IHO1: variants seen among roughly 807,000 people sequenced by gnomAD.
The protein encoded by IHO1 is interactor of HORMAD1 protein 1.
Under a neutral mutation model 31.0 loss-of-function variants are expected in IHO1, and 13 were observed. That is an observed-to-expected ratio of 0.42 (90% confidence interval 0.27 to 0.67). The LOEUF is 0.67. Ranked by LOEUF, IHO1 falls within the 30% of genes least tolerant of loss-of-function variation. The pLI, the probability that IHO1 is intolerant of heterozygous loss-of-function variation, is 0.24. For synonymous variants in IHO1, 221 were observed against 248.4 expected (o/e 0.89, Z 1.04); for missense variants, 599 against 687.5 (o/e 0.87, Z 1.44).
chr3:49,227,303 A>G lies in IHO1; in HGVS notation c.57-9245A>G, dbSNP rs139265641. 1.3e-3 allele frequency among the ~76,000 whole-genome samples: 196 copies of G among 152,266 alleles called. 2 individuals carry two copies. In the East Asian group the frequency reaches 0.022, roughly 17 times the overall value. ...GAGCCACCACTTTTTCAGGGTTTGC[A>G]GGTCAAATTGGTCCCAATGGCTTAG... On this transcript the variant is annotated intron_variant, in intron 2 of 7. Coordinates refer to ENST00000452691, the MANE Select transcript of IHO1 (RefSeq NM_001135197.2).
chr3:49,227,218 C>T (rs1333029746), intron 2 of IHO1, among the ~76,000 whole-genome samples: 1 of 152,184 alleles, frequency 6.6e-6, no homozygotes, highest in Non-Finnish European at 1.5e-5. Context: ...ATACTTCCCT[C>T]AGATGGCCAT....
upstream of IHO1, among the ~76,000 whole-genome samples, chr3:49,197,812 T>C (rs983419436): frequency 6.6e-6 from 1 of 151,408 alleles, no homozygotes; most frequent in Non-Finnish European, 1.5e-5. Context: ...AGGTGGAGGT[T>C]GTGGTGAGCC....
intron 2 of IHO1, among the ~76,000 whole-genome samples, chr3:49,222,331 A>G (rs1277390408): frequency 6.6e-6 from 1 of 152,160 alleles, no homozygotes; most frequent in African/African-American, 2.4e-5. Context: ...AGTCTTGTAC[A>G]GGTAATTAGG....
intron 1 of IHO1, among the ~76,000 whole-genome samples, chr3:49,206,911 G>C (rs898463872): frequency 6.6e-6 from 1 of 151,942 alleles, no homozygotes; most frequent in Non-Finnish European, 1.5e-5. Flanking sequence ...AGCTAGGTGT[G>C]GTGGCAGATG....
chr3:49,253,529 G>A (rs1025222777), intron 6 of IHO1, among the ~76,000 whole-genome samples: 3 of 152,122 alleles, frequency 2.0e-5, no homozygotes, highest in African/African-American at 7.2e-5. Context: ...GCTGTGGCCT[G>A]CTCCTGGGCC....
intron 2 of IHO1, among the ~76,000 whole-genome samples, chr3:49,235,774 A>G (rs1219610999): frequency 6.6e-6 from 1 of 151,350 alleles, no homozygotes; most frequent in Non-Finnish European, 1.5e-5. Context: ...TATTAAAAAT[A>G]CAAAAATTGA....
At chr3:49,243,942 T>C (rs528538950) in intron 4 of IHO1, among the ~76,000 whole-genome samples, 37 of 143,660 alleles carry the variant, frequency 2.6e-4, no homozygotes, top group African/African-American at 1.8e-4. Flanking sequence ...TGTTCTCTCT[T>C]TTTTTTTTTT....
At chr3:49,206,208 C>G (rs1377420485) in intron 1 of IHO1, among the ~76,000 whole-genome samples, 1 of 152,122 alleles carries the variant, frequency 6.6e-6, no homozygotes, top group East Asian at 1.9e-4. Context: ...TCATGATCCA[C>G]CCGCCTCGGC....
intron 1 of IHO1, among the ~76,000 whole-genome samples, chr3:49,209,962 T>C (rs2046187052): frequency 6.6e-6 from 1 of 151,808 alleles, no homozygotes; most frequent in Admixed American, 6.6e-5. Context: ...GTAATCCACT[T>C]GCCTTGGCCT....
chr3:49,221,533 C>A (rs1191378617), intron 2 of IHO1, among the ~76,000 whole-genome samples: 1 of 152,184 alleles, frequency 6.6e-6, no homozygotes, highest in Non-Finnish European at 1.5e-5. Flanking sequence ...AACAGGACAC[C>A]CCAACTGCTG....
Position 49,238,490 on chromosome 3 carries a change from C to T in IHO1, c.231+1768C>T, listed in dbSNP as rs11920207. Among the ~76,000 whole-genome samples, 590 of 152,216 alleles carry T rather than the reference C, an allele frequency of 3.9e-3. 3 individuals are homozygous for T. Among genetic ancestry groups the T allele is most frequent in the African/African-American group, 0.011 (445 of 41,532 alleles). On this transcript the variant is annotated intron_variant, in intron 3 of 7. Coordinates refer to ENST00000452691, the MANE Select transcript of IHO1 (RefSeq NM_001135197.2). ...ACAGAAACAGGGCTTGACTTTTATA[C>T]ACATTTCTGAAAGGGGATTGGCCAG...
chr3:49,257,162 C>T lies in IHO1; in HGVS notation c.1665C>T (p.His555=). Residue 555 remains histidine, a synonymous_variant, in exon 8 of 8, where the codon CAC becomes CAT. Transcript: ENST00000452691. ...WLLSSSSQGD[H]QMSWFSDLNL... The stretch of plus-strand genomic sequence containing the variant: ...TTTCCAGCAGTTCCCAGGGGGACCA[C>T]CAGATGAGCTGGTTCAGTGACCTCA... 6.2e-7 allele frequency: 1 copy of T among 1,614,142 alleles called. No individual in the cohort carries two copies. The highest frequency in any genetic ancestry group is 8.5e-7 in the Non-Finnish European group (1 of 1,180,034).
intron 2 of IHO1, among the ~76,000 whole-genome samples, chr3:49,215,231 G>A (rs575394622): frequency 2.0e-5 from 3 of 151,432 alleles, no homozygotes; most frequent in Admixed American, 1.3e-4. Context: ...TTGTTTTTTT[G>A]TAAAGACGAG....
At chr3:49,244,878 G>A (rs751760065) in intron 6 of IHO1, 145 bp downstream of exon 6, 1 of 745,992 alleles carries the variant, frequency 1.3e-6, no homozygotes, top group Non-Finnish European at 2.4e-6. Context: ...GTCCTGAAGA[G>A]ATGTGGAGCA....
chr3:49,244,827 C>G, intron 6 of IHO1, 94 bp downstream of exon 6: 1 of 1,071,754 alleles, frequency 9.3e-7, no homozygotes, highest in Non-Finnish European at 1.4e-6. Flanking sequence ...TGGTGAGGTT[C>G]CTCACAGGGT....
chr3:49,200,610 T>A, intron 1 of IHO1: 1 of 982,772 alleles, frequency 1.0e-6, no homozygotes, highest in Non-Finnish European at 1.2e-6. Flanking sequence ...CACGTGTTCC[T>A]CCCTTGTGTA....
chr3:49,234,040 G>A (rs1340377363), intron 2 of IHO1, among the ~76,000 whole-genome samples: 2 of 151,748 alleles, frequency 1.3e-5, no homozygotes, highest in African/African-American at 2.4e-5. Context: ...TCACTGGCTT[G>A]TTGTCAATAA....
chr3:49,214,628 A>ATTTTTTTTTTTTTTTTTTTTTTT (rs1392844551), intron 2 of IHO1, among the ~76,000 whole-genome samples: 1 of 19,028 alleles, frequency 5.3e-5, no homozygotes. Context: ...ATATATATAT[A>ATTTTTTTTTTTTTTTTTTTTTTT]TATATTTTTT....
the IHO1 span, among the ~76,000 whole-genome samples, chr3:49,193,296 C>T: frequency 3.3e-5 from 5 of 150,726 alleles, no homozygotes; most frequent in South Asian, 2.1e-4. Context: ...CACTTGAGCC[C>T]GGGAAGTGGA....
Sources: allele counts gnomAD v4.1 joint callset (sites outside exome capture counted in the v4.1 genomes callset), GRCh38; gene constraint gnomAD v4.1.1; transcripts MANE v1.5; gene names NCBI Gene and HGNC (gene_info 2026-07-23, HGNC 2026-07-21).